STXBP5L: variants seen among roughly 807,000 people sequenced by gnomAD.
The protein encoded by STXBP5L is syntaxin-binding protein 5-like.
Under a neutral mutation model 144.5 loss-of-function variants are expected in STXBP5L, and 65 were observed. The observed-to-expected ratio is 0.45, with a 90% CI of 0.37 to 0.55. STXBP5L has a LOEUF of 0.55. Among genes scored for constraint, STXBP5L ranks in the 20% least tolerant of loss-of-function variants. The pLI is 0.00. For synonymous variants in STXBP5L, 505 were observed against 469.6 expected (o/e 1.08, Z -0.97); for missense variants, 1,298 against 1,405.5 (o/e 0.92, Z 1.22).
At chr3:121,345,343 C>A (rs2044915613) in intron 20 of STXBP5L, among the ~76,000 whole-genome samples, 1 of 152,080 alleles carries the variant, frequency 6.6e-6, no homozygotes, top group Non-Finnish European at 1.5e-5. Context: ...ATGAACTCAT[C>A]CTTTTTATGA....
intron 23 of STXBP5L, 69 bp downstream of exon 23, chr3:121,407,672 A>G (rs1560064581): frequency 6.3e-7 from 1 of 1,583,600 alleles, no homozygotes; most frequent in Middle Eastern, 1.7e-4. Context: ...TAAAAAATAT[A>G]TGTGTTATGT....
At chr3:120,992,097 G>A (rs1942948795) in intron 3 of STXBP5L, among the ~76,000 whole-genome samples, 1 of 151,684 alleles carries the variant, frequency 6.6e-6, no homozygotes, top group Non-Finnish European at 1.5e-5. Context: ...CATTTTTTTG[G>A]ATCACTAAAG....
At chr3:121,282,744 C>G (rs1421639669) in intron 19 of STXBP5L, among the ~76,000 whole-genome samples, 1 of 151,950 alleles carries the variant, frequency 6.6e-6, no homozygotes, top group South Asian at 2.1e-4. Flanking sequence ...TAATACTATT[C>G]TAACCAGGGT....
chr3:121,058,127 C>A (rs1052700087), intron 5 of STXBP5L, among the ~76,000 whole-genome samples: 3 of 152,140 alleles, frequency 2.0e-5, no homozygotes, highest in Admixed American at 2.0e-4. Context: ...CCCTCCCCTA[C>A]ACCCCCATCA....
At chr3:121,057,293 C>G (rs145259575) in intron 5 of STXBP5L, among the ~76,000 whole-genome samples, 213 of 151,940 alleles carry the variant, frequency 1.4e-3, no homozygotes, top group Middle Eastern at 6.8e-3. Context: ...TTTTTTCCCT[C>G]TATAGTATAT....
chr3:121,159,421 T>C (rs911580973), intron 9 of STXBP5L, among the ~76,000 whole-genome samples: 1 of 151,942 alleles, frequency 6.6e-6, no homozygotes, highest in African/African-American at 2.4e-5. Flanking sequence ...TCCTCCCTCT[T>C]TGGCCTCACA....
At chr3:121,418,143 T>C (rs1247610851) in intron 25 of STXBP5L, among the ~76,000 whole-genome samples, 194 bp from the exon 26 acceptor site, 1 of 152,192 alleles carries the variant, frequency 6.6e-6, no homozygotes, top group Non-Finnish European at 1.5e-5. Context: ...TAACAATATA[T>C]CTCACAGTCT....
intron 15 of STXBP5L, among the ~76,000 whole-genome samples, chr3:121,254,105 A>G (rs560180097): frequency 6.6e-6 from 1 of 152,076 alleles, no homozygotes; most frequent in East Asian, 1.9e-4. Context: ...ATTTTATAGA[A>G]TCTCCTTCAG....
chr3:121,162,824 C>T (rs1649455805), intron 9 of STXBP5L, among the ~76,000 whole-genome samples: 1 of 152,126 alleles, frequency 6.6e-6, no homozygotes, highest in Non-Finnish European at 1.5e-5. Context: ...TGAAAAAAGG[C>T]TCATCATCAC....
chr3:121,322,699 G>T (rs897959618), intron 20 of STXBP5L, among the ~76,000 whole-genome samples: 3 of 150,912 alleles, frequency 2.0e-5, no homozygotes, highest in African/African-American at 7.3e-5. Context: ...GGGTTGAGGG[G>T]GTGCGGATAT....
intron 19 of STXBP5L, among the ~76,000 whole-genome samples, chr3:121,295,031 G>A (rs920976561): frequency 1.3e-5 from 2 of 152,174 alleles, no homozygotes; most frequent in South Asian, 2.1e-4. Flanking sequence ...AAGATATTTG[G>A]TTATGAAGGG....
rs114154396 is a variant in STXBP5L at position 120,917,930 on chromosome 3, T to C, written c.189+8163T>C. Among the ~76,000 whole-genome samples the C allele has an allele frequency of 1.4e-3, 208 of 152,330 alleles. 1 individual carries two copies. The highest frequency in any genetic ancestry group is 4.7e-3 in the African/African-American group (194 of 41,574). ...GGCTTAAAACAACACGAATTTATCA[T>C]CTTATTGTTCTGGAGGTCAGAAGTA... On this transcript the variant is annotated intron_variant, in intron 2 of 26. Transcript: ENST00000471454.
chr3:121,217,366 G>A (rs181047024), intron 10 of STXBP5L, among the ~76,000 whole-genome samples: 16 of 152,318 alleles, frequency 1.1e-4, no homozygotes, highest in East Asian at 7.7e-4. Flanking sequence ...TGGGAAAAGC[G>A]TGGTATATGG....
intron 3 of STXBP5L, among the ~76,000 whole-genome samples, chr3:121,026,788 T>C (rs1217387181): frequency 1.3e-5 from 2 of 151,994 alleles, no homozygotes; most frequent in African/African-American, 2.4e-5. Flanking sequence ...AATATAGTTA[T>C]ATACATATGT....
intron 19 of STXBP5L, among the ~76,000 whole-genome samples, chr3:121,303,223 G>T (rs982997872): frequency 6.6e-6 from 1 of 152,160 alleles, no homozygotes; most frequent in Admixed American, 6.5e-5. Flanking sequence ...CAAAGGATAT[G>T]AACAGACACT....
chr3:120,977,369 C>G (rs985914513), intron 3 of STXBP5L, among the ~76,000 whole-genome samples: 2 of 152,010 alleles, frequency 1.3e-5, no homozygotes, highest in African/African-American at 2.4e-5. Context: ...GATTGCAACC[C>G]CTGCCTTTTT....
At chr3:121,340,015 A>C (rs1249187092) in intron 20 of STXBP5L, among the ~76,000 whole-genome samples, 2 of 152,140 alleles carry the variant, frequency 1.3e-5, no homozygotes, top group African/African-American at 2.4e-5. Flanking sequence ...AATTCCTATC[A>C]AAATACCAAA....
chr3:120,962,502 C>T (rs1397914425), intron 3 of STXBP5L, among the ~76,000 whole-genome samples: 1 of 152,162 alleles, frequency 6.6e-6, no homozygotes, highest in East Asian at 1.9e-4. Flanking sequence ...TATGGCTAGC[C>T]AGTTTTCCCA....
At chr3:120,938,029 G>A (rs1710359048) in intron 2 of STXBP5L, among the ~76,000 whole-genome samples, 1 of 151,908 alleles carries the variant, frequency 6.6e-6, no homozygotes, top group African/African-American at 2.4e-5. Context: ...TATTTTACAA[G>A]TAATGTATCT....
Sources: allele counts gnomAD v4.1 joint callset (sites outside exome capture counted in the v4.1 genomes callset), GRCh38; gene constraint gnomAD v4.1.1; transcripts MANE v1.5; gene names NCBI Gene and HGNC (gene_info 2026-07-23, HGNC 2026-07-21).